Variants in ZFHX3 observed in about 807,000 individuals in gnomAD.
The protein encoded by ZFHX3 is zinc finger homeobox 3, also known as zinc finger homeobox protein 3.
A neutral mutation model predicts 279.1 loss-of-function variants in ZFHX3; 42 were observed. The ratio of observed to expected loss-of-function variants is 0.15; its 90% CI spans 0.12 to 0.19. The LOEUF (loss-of-function observed/expected upper bound fraction) is 0.19. ZFHX3 is among the 10% of genes least tolerant of loss of function. The probability of loss-of-function intolerance (pLI) is 1.00; values close to 1 mark genes in which losing one functional copy is unlikely to be tolerated. For missense variants in ZFHX3, 4,981 were observed against 4,754.0 expected (o/e 1.05, Z -1.40); for synonymous variants, 2,293 against 1,957.8 (o/e 1.17, Z -4.52).
intron 8 of ZFHX3, among the ~76,000 whole-genome samples, chr16:73,065,598 T>C (rs2519371): frequency 9.9e-6 from 1 of 100,970 alleles, no homozygotes; most frequent in Non-Finnish European, 2.1e-5. Context: ...TGTGTGTGTG[T>C]GTGTGTGTGC....
Position 72,795,139 on chromosome 16 carries a change from A to C in ZFHX3, c.7543T>G (p.Ser2515Ala). Residue 2515 changes from serine (S) to alanine (A), a missense_variant, in exon 9 of 10, where the codon TCA (serine) becomes GCA (alanine). By Grantham distance (99) the Ser-to-Ala change is moderately conservative. Coordinates refer to ENST00000268489, the MANE Select transcript of ZFHX3 (RefSeq NM_006885.4). ...SHLPLKPLHT[S>A]TPQQLANLPP... is the part of the protein sequence containing the mutation. ...AGGTTTGCGAGCTGTTGAGGAGTTG[A>C]TGTGTGGAGGGGCTTGAGGGGCAGG... 1 of 1,612,146 alleles carries C rather than the reference A, an allele frequency of 6.2e-7. No homozygotes were observed. Among genetic ancestry groups the C allele is most frequent in the South Asian group, 1.1e-5 (1 of 90,946 alleles).
chr16:72,820,156 CTT>C (rs970665916), intron 5 of ZFHX3, among the ~76,000 whole-genome samples: 3 of 152,322 alleles, frequency 2.0e-5, no homozygotes, highest in South Asian at 2.1e-4. Context: ...GGGGCCTCTG[CTT>C]TCTCTGCAGG....
intron 2 of ZFHX3, among the ~76,000 whole-genome samples, chr16:73,485,752 G>A (rs2018962517): frequency 6.6e-6 from 1 of 152,170 alleles, no homozygotes; most frequent in African/African-American, 2.4e-5. Context: ...ACACAGGTCT[G>A]CACACATCCC....
chr16:73,723,581 C>G (rs1476013220), intron 1 of ZFHX3, among the ~76,000 whole-genome samples: 2 of 152,048 alleles, frequency 1.3e-5, no homozygotes, highest in African/African-American at 2.4e-5. Context: ...AGGATATACA[C>G]CAAAATGTTC....
intron 1 of ZFHX3, among the ~76,000 whole-genome samples, chr16:73,740,753 C>G (rs188209393): frequency 4.9e-4 from 75 of 152,234 alleles, no homozygotes; most frequent in African/African-American, 1.6e-3. Context: ...CCTGCCAAGC[C>G]CCAGATTCTC....
chr16:72,933,501 CACTT>C (rs1435634722), intron 3 of ZFHX3, among the ~76,000 whole-genome samples: 2 of 152,126 alleles, frequency 1.3e-5, no homozygotes, highest in African/African-American at 4.8e-5. Context: ...ATACAGTAGA[CACTT>C]AAGTATCCAC....
chr16:73,189,057 T>G (rs998365936), intron 5 of ZFHX3, among the ~76,000 whole-genome samples: 2 of 152,084 alleles, frequency 1.3e-5, no homozygotes, highest in African/African-American at 4.8e-5. Context: ...AAAGACAGGA[T>G]TTCACCATAT....
intron 3 of ZFHX3, among the ~76,000 whole-genome samples, chr16:72,917,770 G>T (rs1303730835): frequency 5.3e-5 from 8 of 152,126 alleles, no homozygotes; most frequent in African/African-American, 1.4e-4. Flanking sequence ...ATGATTTTTT[G>T]TGTGTGTGTC....
At chr16:73,120,130 C>A (rs1966478897) in intron 7 of ZFHX3, among the ~76,000 whole-genome samples, 1 of 152,014 alleles carries the variant, frequency 6.6e-6, no homozygotes, top group African/African-American at 2.4e-5. Flanking sequence ...GTTTTTTTCA[C>A]ACTCAAGGCT....
chr16:73,049,517 G>T (rs1017592795), upstream of ZFHX3, among the ~76,000 whole-genome samples: 3 of 152,226 alleles, frequency 2.0e-5, no homozygotes, highest in Non-Finnish European at 4.4e-5. Flanking sequence ...TCAGATTAAT[G>T]TAAGTATCTA....
intron 1 of ZFHX3, among the ~76,000 whole-genome samples, chr16:73,820,721 T>C (rs1299746783): frequency 2.0e-5 from 3 of 151,954 alleles, no homozygotes; most frequent in Non-Finnish European, 4.4e-5. Flanking sequence ...GCCACCAAGC[T>C]CTTGGGTAGT....
chr16:73,694,701 G>A (rs548771972), intron 1 of ZFHX3, among the ~76,000 whole-genome samples: 1 of 152,300 alleles, frequency 6.6e-6, no homozygotes, highest in Admixed American at 6.5e-5. Flanking sequence ...GGTAACAGTG[G>A]ATAGCAAGAA....
At chr16:73,646,746 C>T (rs1335127735) in intron 2 of ZFHX3, among the ~76,000 whole-genome samples, 1 of 152,082 alleles carries the variant, frequency 6.6e-6, no homozygotes, top group Non-Finnish European at 1.5e-5. Flanking sequence ...AAAATAAATA[C>T]ATTTTTAAGT....
chr16:72,820,293 A>T (rs2036750459), intron 5 of ZFHX3, among the ~76,000 whole-genome samples: 1 of 152,180 alleles, frequency 6.6e-6, no homozygotes, highest in African/African-American at 2.4e-5. Flanking sequence ...TACATCAGAG[A>T]CATCAATCTG....
At position 72,794,121 on chromosome 16, in the gene ZFHX3, T is replaced by C; in HGVS notation, c.8561A>G (p.Asp2854Gly). 1 of 1,614,254 alleles carries C rather than the reference T, an allele frequency of 6.2e-7. No individual in the cohort carries two copies. Among genetic ancestry groups the C allele is most frequent in the Non-Finnish European group, 8.5e-7 (1 of 1,180,056 alleles). Residue 2854 changes from aspartate (D) to glycine (G), a missense_variant, in exon 9 of 10, where the codon GAT (aspartate) becomes GGT (glycine). Physicochemically the swap from Asp to Gly is moderately conservative, Grantham distance 94. Coordinates refer to ENST00000268489, the MANE Select transcript of ZFHX3 (RefSeq NM_006885.4). This position sits in a 1 kb window ranked among gnomAD's most constrained non-coding sequence, Gnocchi z 4.2. The part of the protein sequence containing the change: ...DTTTGDEGNA[D>G]NDSATGIATE... ...TGCTATTCCCGTTGCACTGTCGTTATCTGCGTTGCCCTCGTCTCCAGTTGT... is the reference window on the plus strand; with the variant it reads ...TGCTATTCCCGTTGCACTGTCGTTACCTGCGTTGCCCTCGTCTCCAGTTGT...
intron 2 of ZFHX3, among the ~76,000 whole-genome samples, chr16:73,606,597 G>A (rs1381266913): frequency 6.6e-6 from 1 of 151,964 alleles, no homozygotes; most frequent in Non-Finnish European, 1.5e-5. Flanking sequence ...TTCATTTTAA[G>A]TTCTGGGCTA....
At chr16:73,574,342 T>TA (rs2051775331) in intron 2 of ZFHX3, among the ~76,000 whole-genome samples, 1 of 145,294 alleles carries the variant, frequency 6.9e-6, no homozygotes, top group Admixed American at 6.6e-5. Context: ...TATCATTTCT[T>TA]GGGCCCCCCC....
intron 5 of ZFHX3, among the ~76,000 whole-genome samples, chr16:72,823,399 G>A (rs557190264): frequency 1.6e-4 from 25 of 152,300 alleles, no homozygotes; most frequent in African/African-American, 6.0e-4. Flanking sequence ...TCAACAACAG[G>A]GTTGGGATAT....
intron 3 of ZFHX3, among the ~76,000 whole-genome samples, chr16:72,890,168 G>A (rs1040360428): frequency 3.3e-5 from 5 of 152,184 alleles, no homozygotes; most frequent in African/African-American, 1.2e-4. Context: ...TAATCCCCAC[G>A]TGTTGGGGAT....
Sources: allele counts gnomAD v4.1 joint callset (sites outside exome capture counted in the v4.1 genomes callset), GRCh38; gene constraint gnomAD v4.1.1; non-coding constraint Gnocchi (gnomAD v3.1); transcripts MANE v1.5; gene names NCBI Gene and HGNC (gene_info 2026-07-23, HGNC 2026-07-21).